Variants in RAB11FIP2 observed in about 807,000 individuals in gnomAD.
RAB11FIP2 encodes the protein rab11 family-interacting protein 2.
RAB11FIP2 carries 16 observed loss-of-function variants against 40.9 expected under a neutral mutation model. The ratio of observed to expected loss-of-function variants is 0.39; its 90% confidence interval spans 0.26 to 0.59. The LOEUF is 0.59. Ranked by LOEUF, RAB11FIP2 falls within the 20% of genes least tolerant of loss-of-function variation. The probability of loss-of-function intolerance (pLI) is 0.53; values close to 1 mark genes in which losing one functional copy is unlikely to be tolerated. For synonymous variants in RAB11FIP2, 228 were observed against 213.7 expected, an observed-to-expected ratio of 1.07 and a Z score of -0.58; for missense variants, 532 against 606.2, an observed-to-expected ratio of 0.88 and a Z score of 1.28.
At chr10:118,023,421 A>T (rs557437689) in intron 3 of RAB11FIP2, among the ~76,000 whole-genome samples, 1 of 152,262 alleles carries the variant, frequency 6.6e-6, no homozygotes, top group Admixed American at 6.5e-5. Flanking sequence ...AAAGCAAAAA[A>T]CTCAGTACCA....
Position 118,040,527 on chromosome 10 carries a change from T to G in RAB11FIP2, c.392A>C (p.Lys131Thr). The G allele has an allele frequency of 3.7e-6, 6 of 1,610,080 alleles. No individual in the cohort carries two copies. Among genetic ancestry groups the G allele is most frequent in the Non-Finnish European group, 5.1e-6 (6 of 1,178,614 alleles). Residue 131 changes from lysine to threonine, a missense_variant, in exon 2 of 5, where the codon AAA becomes ACA. Coordinates refer to ENST00000355624, the MANE Select transcript of RAB11FIP2 (RefSeq NM_014904.3). ...ATTGACCTTTATCTCACCCCTGTTTTTGATTCGTTTTCCTTGTTTGGATTC... is the reference window on the plus strand; with the variant it reads ...ATTGACCTTTATCTCACCCCTGTTTGTGATTCGTTTTCCTTGTTTGGATTC... ...RLESKQGKRI[K>T]NRGEIKVNIQ...
At position 118,039,422 on chromosome 10, in the gene RAB11FIP2, T is replaced by A. The variant is rs1846525423; in HGVS notation, c.815A>T (p.His272Leu). Residue 272 changes from histidine (H) to leucine (L), a missense_variant, in exon 3 of 5, where the codon CAC (histidine) becomes CTC (leucine). His to Leu is a moderately conservative substitution (Grantham distance 99, BLOSUM62 -3). Transcript: ENST00000355624. ...AGTATCAAAGCTTAATGTTCTTCTG[T>A]GTGGAGATTTGAGACTTCCTACAAA... Reference protein sequence around the residue: ...VPESGSLKSPHRRTLSFDTSK... With the variant: ...VPESGSLKSPLRRTLSFDTSK... 1 of 1,611,378 alleles carries A rather than the reference T, an allele frequency of 6.2e-7. No homozygotes were observed. Among genetic ancestry groups the A allele is most frequent in the African/African-American group, 1.3e-5 (1 of 74,786 alleles).
intron 3 of RAB11FIP2, among the ~76,000 whole-genome samples, chr10:118,032,088 C>G (rs1293981713): frequency 3.9e-5 from 6 of 152,078 alleles, no homozygotes; most frequent in Admixed American, 3.3e-4. Flanking sequence ...CTCTAACAGA[C>G]AGAAAATCTT....
intron 3 of RAB11FIP2, among the ~76,000 whole-genome samples, chr10:118,034,325 TTAAA>T (rs1846454855): frequency 6.6e-6 from 1 of 151,230 alleles, no homozygotes. Context: ...CCATGAACTC[TTAAA>T]TAAGCCAGAA....
chr10:118,029,637 A>AT (rs1330312632), intron 3 of RAB11FIP2, among the ~76,000 whole-genome samples: 1 of 152,128 alleles, frequency 6.6e-6, no homozygotes, highest in African/African-American at 2.4e-5. Flanking sequence ...ATATCATTTG[A>AT]TTTTCAGAGC....
At chr10:118,013,479 T>C (rs1228877195) in intron 4 of RAB11FIP2, among the ~76,000 whole-genome samples, 2 of 152,092 alleles carry the variant, frequency 1.3e-5, no homozygotes, top group African/African-American at 4.8e-5. Flanking sequence ...CAAAATACTA[T>C]GTCCAGAGGG....
At chr10:118,041,657 T>C (rs1245286330) in intron 1 of RAB11FIP2, among the ~76,000 whole-genome samples, 1 of 151,868 alleles carries the variant, frequency 6.6e-6, no homozygotes, top group African/African-American at 2.4e-5. Context: ...GGAACTCTGA[T>C]CTAATTTTAC....
At position 118,046,017 on chromosome 10, in the gene RAB11FIP2, G is replaced by A; in HGVS notation, c.147C>T (p.Thr49=). 3 of 1,614,218 alleles carry A rather than the reference G, an allele frequency of 1.9e-6. No individual in the cohort carries two copies. Among genetic ancestry groups the A allele is most frequent in the Non-Finnish European group, 8.5e-7 (1 of 1,180,036 alleles). Residue 49 remains threonine, a synonymous_variant, in exon 1 of 5, where the codon ACC becomes ACT. Transcript: ENST00000355624. The part of the protein sequence containing the change: ...IIQLGKEKYS[T]SVAEKTLEPV... ...GCTCAAGGGTTTTCTCAGCTACAGA[G>A]GTGGAGTACTTTTCCTTGCCCAGCT...
intron 3 of RAB11FIP2, among the ~76,000 whole-genome samples, chr10:118,021,843 C>T (rs561320950): frequency 1.1e-3 from 171 of 152,326 alleles, no homozygotes; most frequent in African/African-American, 3.9e-3. Context: ...GTGGGAAACA[C>T]TGGATATTTC....
At position 118,008,964 on chromosome 10, in the gene RAB11FIP2, T is replaced by C. The variant is rs7908553; in HGVS notation, c.*34A>G. 0.016 allele frequency: 24,087 copies of C among 1,513,112 alleles called. 1,186 individuals are homozygous for C. The East Asian group carries it at 0.19, about 12-fold the overall frequency. The allele number at this position is 1,513,112 out of a possible 1,614,324, so 93.7% of individuals were successfully genotyped here. On this transcript the variant is annotated 3_prime_UTR_variant, in exon 5 of 5. Transcript: ENST00000355624. ...TCCTTCCTTCTTTCTTTCTCTCTCTTTGTCCAATTATCAATACAATACAAT... is the reference window on the plus strand; with the variant it reads ...TCCTTCCTTCTTTCTTTCTCTCTCTCTGTCCAATTATCAATACAATACAAT...
chr10:118,042,638 T>C (rs930813758), intron 1 of RAB11FIP2, among the ~76,000 whole-genome samples: 2 of 152,172 alleles, frequency 1.3e-5, no homozygotes, highest in Non-Finnish European at 2.9e-5. Flanking sequence ...CAGTCTGCCT[T>C]GCATTAAATG....
intron 3 of RAB11FIP2, among the ~76,000 whole-genome samples, chr10:118,027,735 T>C (rs1021672703): frequency 6.8e-4 from 104 of 152,298 alleles, no homozygotes; most frequent in African/African-American, 2.3e-3. Flanking sequence ...ATGGTAAAAT[T>C]ACTAAGCTGT....
intron 3 of RAB11FIP2, among the ~76,000 whole-genome samples, chr10:118,023,308 A>G (rs1846303476): frequency 6.6e-6 from 1 of 152,226 alleles, no homozygotes; most frequent in East Asian, 1.9e-4. Flanking sequence ...CACTAAAGAG[A>G]TTTCATTGGA....
chr10:118,022,160 A>G (rs888458611), intron 3 of RAB11FIP2, among the ~76,000 whole-genome samples: 4 of 152,186 alleles, frequency 2.6e-5, no homozygotes, highest in Admixed American at 2.0e-4. Flanking sequence ...TTCAGCTTAC[A>G]TGCCTCACAA....
chr10:118,017,046 G>T (rs1217146972), intron 3 of RAB11FIP2, among the ~76,000 whole-genome samples: 1 of 152,168 alleles, frequency 6.6e-6, no homozygotes, highest in Admixed American at 6.5e-5. Flanking sequence ...TAATCTTCAT[G>T]ATCCTTACGG....
At chr10:118,036,438 G>C (rs944067793) in intron 3 of RAB11FIP2, among the ~76,000 whole-genome samples, 3 of 152,118 alleles carry the variant, frequency 2.0e-5, no homozygotes, top group East Asian at 1.9e-4. Context: ...AGATAGCTGA[G>C]GGTTGATACT....
At chr10:118,045,289 T>C (rs1393027967) in intron 1 of RAB11FIP2, 3 of 153,908 alleles carry the variant, frequency 1.9e-5, no homozygotes, top group Non-Finnish European at 4.3e-5. Flanking sequence ...TAGACTCCCA[T>C]CAAGGCACAC....
chr10:118,025,616 T>C (rs1005625740), intron 3 of RAB11FIP2, among the ~76,000 whole-genome samples: 1 of 152,228 alleles, frequency 6.6e-6, no homozygotes, highest in African/African-American at 2.4e-5. Flanking sequence ...TATGGAAAAC[T>C]CTTCATACAT....
rs185087135 is a variant in RAB11FIP2 at position 118,044,657 on chromosome 10, C to T, written c.353+1154G>A. Among the ~76,000 whole-genome samples the T allele has an allele frequency of 1.3e-4, 20 of 152,000 alleles. No homozygotes were observed. In the East Asian group the frequency reaches 3.5e-3, roughly 26 times the overall value. On this transcript the variant is annotated intron_variant, in intron 1 of 4. Transcript: ENST00000355624. ...ACATATATTAAATCTTAGGTTAAGA[C>T]CTGATTTAAAATGAAACAAAAAAAC...
Sources: allele counts gnomAD v4.1 joint callset (sites outside exome capture counted in the v4.1 genomes callset), GRCh38; gene constraint gnomAD v4.1.1; transcripts MANE v1.5; gene names NCBI Gene and HGNC (gene_info 2026-07-23, HGNC 2026-07-21).